PNLIPRP1: variants seen among roughly 807,000 people sequenced by gnomAD.
PNLIPRP1 encodes pancreatic lipase related protein 1, also known as inactive pancreatic lipase-related protein 1.
Under a neutral mutation model 54.6 loss-of-function variants are expected in PNLIPRP1, and 57 were observed. The ratio of observed to expected loss-of-function variants is 1.04; its 90% confidence interval spans 0.84 to 1.30. The LOEUF (loss-of-function observed/expected upper bound fraction) is 1.30. Among genes scored for constraint, PNLIPRP1 ranks in the 50% most tolerant of loss-of-function variants. PNLIPRP1 has a pLI of 0.00. For synonymous variants in PNLIPRP1, 232 were observed against 208.8 expected (o/e 1.11, Z -0.96); for missense variants, 567 against 568.5 (o/e 1.00, Z 0.03).
chr10:116,606,781 G>A (rs2133243933), intron 12 of PNLIPRP1, among the ~76,000 whole-genome samples: 1 of 152,256 alleles, frequency 6.6e-6, no homozygotes, highest in South Asian at 2.1e-4. Context: ...ACTTAAGGCT[G>A]CACCTGAGGT....
At position 116,596,284 on chromosome 10, in the gene PNLIPRP1, A is replaced by G; in HGVS notation, c.536A>G (p.Glu179Gly). Residue 179 changes from glutamate to glycine, a missense_variant, in exon 6 of 13, where the codon GAG becomes GGG. Physicochemically the swap from Glu to Gly is moderately conservative, Grantham distance 98. Transcript: ENST00000358834. ...AGCCTGGGAGCCCACGTGGCTGGAG[A>G]GGCAGGAAGCAAGACTCCAGGCCTG... ...GHSLGAHVAGEAGSKTPGLSR... is the reference protein window; with the variant it reads ...GHSLGAHVAGGAGSKTPGLSR... 1 of 1,613,824 alleles carries G rather than the reference A, an allele frequency of 6.2e-7. No homozygotes were observed. The highest frequency in any genetic ancestry group is 8.5e-7 in the Non-Finnish European group (1 of 1,179,754).
intron 4 of PNLIPRP1, among the ~76,000 whole-genome samples, chr10:116,594,159 C>T (rs1406147139): frequency 2.0e-5 from 3 of 152,152 alleles, no homozygotes; most frequent in African/African-American, 7.2e-5. Flanking sequence ...GATATATCAG[C>T]TCCTTTGACA....
At chr10:116,594,364 C>T in intron 4 of PNLIPRP1, 1 of 520,182 alleles carries the variant, frequency 1.9e-6, no homozygotes, top group Middle Eastern at 3.2e-4. Flanking sequence ...ACAGTCAAAT[C>T]CACAAGGTCA....
intron 8 of PNLIPRP1, among the ~76,000 whole-genome samples, chr10:116,599,752 C>G (rs1325022530): frequency 6.6e-6 from 1 of 152,060 alleles, no homozygotes; most frequent in East Asian, 1.9e-4. Context: ...ACTCTGTAGT[C>G]CTTTCTGTAA....
intron 6 of PNLIPRP1, among the ~76,000 whole-genome samples, 198 bp downstream of exon 6, chr10:116,596,520 T>A (rs1472635516): frequency 6.6e-6 from 1 of 152,122 alleles, no homozygotes; most frequent in African/African-American, 2.4e-5. Flanking sequence ...GGAAGGGTGA[T>A]TTTGTTCCTC....
In PNLIPRP1 at chr10:116,591,862, G is replaced by A; in HGVS notation, c.141G>A (p.Trp47Ter). 2.5e-6 allele frequency: 4 copies of A among 1,614,170 alleles called. No homozygotes were observed. The highest frequency in any genetic ancestry group is 2.5e-6 in the Non-Finnish European group (3 of 1,180,050). ...TCAGGCCCCTGAAAATTCTCCCCTG[G>A]AGCCCTGAGAAGATCGGCACCCGCT... ...TAIRPLKILP[W>*]SPEKIGTRFL... is the part of the protein sequence containing the mutation. Residue 47 changes from tryptophan (W) to a stop codon, truncating the protein, a stop_gained, in exon 3 of 13, where the codon TGG becomes TGA. Coordinates refer to ENST00000358834, the MANE Select transcript of PNLIPRP1 (RefSeq NM_006229.4). LOFTEE classifies it high-confidence loss of function.
chr10:116,607,278 C>G (rs12244715), intron 12 of PNLIPRP1, among the ~76,000 whole-genome samples: 1 of 151,638 alleles, frequency 6.6e-6, no homozygotes, highest in Non-Finnish European at 1.5e-5. Context: ...TGACTTTATT[C>G]AGTACCTATT....
chr10:116,595,161 C>A lies in PNLIPRP1; in HGVS notation c.465+297C>A, dbSNP rs1302165429. 4 of 346,560 alleles carry A rather than the reference C, an allele frequency of 1.2e-5. No individual in the cohort carries two copies. The South Asian group carries it at 1.4e-4, about 12-fold the overall frequency. 21.5% of individuals were successfully genotyped at this position (346,560 alleles called of 1,614,324 possible). A position where few individuals can be genotyped will look rare whatever the true frequency, so the allele number is the denominator to read the frequency against. ...AGTCATAAAGCAAATGAATAGAAGA[C>A]CTGCCTTTTGATCCAGACCATCTAG... On this transcript the variant is annotated intron_variant, in intron 5 of 12. Transcript: ENST00000358834.
In PNLIPRP1 at chr10:116,592,546, G is replaced by A. The variant is rs782803767; in HGVS notation, c.330+5G>A. ...TGGGTGACAGACATGTGCAAGGTAG[G>A]AGCCAGCTCTGATCCCTGTGGCCAG... On this transcript the variant is annotated splice_donor_5th_base_variant and intron_variant, in intron 4 of 12. Coordinates refer to ENST00000358834, the MANE Select transcript of PNLIPRP1 (RefSeq NM_006229.4). 2.7e-5 allele frequency: 44 copies of A among 1,614,004 alleles called. No individual in the cohort carries two copies. The highest frequency in any genetic ancestry group is 3.6e-5 in the Non-Finnish European group (42 of 1,180,028).
chr10:116,599,192 T>C (rs1330204112), intron 8 of PNLIPRP1, among the ~76,000 whole-genome samples: 1 of 151,122 alleles, frequency 6.6e-6, no homozygotes, highest in Admixed American at 6.6e-5. Context: ...GAGGCAAAGG[T>C]TGCAGTGAGC....
At chr10:116,592,390 A>C (rs782203949) in intron 3 of PNLIPRP1, 26 bp from the exon 4 acceptor site, 1 of 1,571,748 alleles carries the variant, frequency 6.4e-7, no homozygotes, top group South Asian at 1.2e-5. Context: ...CTGCGAAAAC[A>C]TGAAGCACTT....
intron 12 of PNLIPRP1, among the ~76,000 whole-genome samples, chr10:116,608,142 C>T (rs1248792687): frequency 6.6e-6 from 1 of 152,218 alleles, no homozygotes; most frequent in Non-Finnish European, 1.5e-5. Context: ...CAGGCATGAG[C>T]CACCACACCA....
At chr10:116,592,300 G>T (rs1847652902) in intron 3 of PNLIPRP1, 116 bp from the exon 4 acceptor site, 1 of 1,201,676 alleles carries the variant, frequency 8.3e-7, no homozygotes, top group Non-Finnish European at 1.2e-6. Context: ...CATGGAAGAA[G>T]TGGCTTTTTG....
chr10:116,597,865 T>C lies in PNLIPRP1; in HGVS notation c.612T>C (p.Pro204=). ...DPVEASFEST[P]EEVRLDPSDA... is the part of the protein sequence containing the mutation. ...TAGAAGCAAGTTTCGAGAGTACTCC[T>C]GAAGAGGTGCGACTTGATCCCTCTG... Residue 204 remains proline (P), a synonymous_variant, in exon 7 of 13, where the codon CCT becomes CCC. Transcript: ENST00000358834. 1.9e-6 allele frequency: 3 copies of C among 1,614,202 alleles called. No individual in the cohort carries two copies. Among genetic ancestry groups the C allele is most frequent in the Non-Finnish European group, 2.5e-6 (3 of 1,180,034 alleles).
At position 116,609,127 on chromosome 10, in the gene PNLIPRP1, C is replaced by T. The variant is rs782578914; in HGVS notation, c.*11C>T. 1.9e-6 allele frequency: 3 copies of T among 1,598,188 alleles called. No homozygotes were observed. Among genetic ancestry groups the T allele is most frequent in the South Asian group, 1.1e-5 (1 of 89,562 alleles). Reference sequence around the variant, plus strand: ...CTCACGCCCTGCTAAGCTCCCGGGGCGACGAGGCTGCTGCGTTCACACTAA... The same window carrying T: ...CTCACGCCCTGCTAAGCTCCCGGGGTGACGAGGCTGCTGCGTTCACACTAA... On this transcript the variant is annotated 3_prime_UTR_variant, in exon 13 of 13. Transcript: ENST00000358834.
In PNLIPRP1 at chr10:116,592,442, A is replaced by C; in HGVS notation, c.231A>C (p.Thr77=). ...FQILLLSDPS[T]IEASNFQMDR... is the part of the protein sequence containing the mutation. The stretch of plus-strand genomic sequence containing the variant: ...TTCTCCTCCTCTCTGATCCATCAAC[A>C]ATTGAGGCATCAAATTTTCAAATGG... Residue 77 remains threonine (T), a synonymous_variant, in exon 4 of 13, where the codon ACA becomes ACC. Coordinates refer to ENST00000358834, the MANE Select transcript of PNLIPRP1 (RefSeq NM_006229.4). The C allele has an allele frequency of 6.2e-7, 1 of 1,612,662 alleles. No homozygotes were observed. The highest frequency in any genetic ancestry group is 8.5e-7 in the Non-Finnish European group (1 of 1,178,926).
rs74945226 is a variant in PNLIPRP1 at position 116,594,203 on chromosome 10, A to T, written c.331-527A>T. 2.2e-3 allele frequency: 858 copies of T among 384,400 alleles called. 4 individuals are homozygous for T. The highest frequency in any genetic ancestry group is 0.016 in the African/African-American group (770 of 46,764). The allele number at this position is 384,400 out of a possible 1,614,324, so 23.8% of individuals were successfully genotyped here. A position where few individuals can be genotyped will look rare whatever the true frequency, so the allele number is the denominator to read the frequency against. ...GACATTTTCCTTCCAGAATTCTTCA[A>T]TCTCTTTTAAATCAGTACAGTTCTA... is the stretch of plus-strand genomic sequence containing the variant. On this transcript the variant is annotated intron_variant, in intron 4 of 12. Coordinates refer to ENST00000358834, the MANE Select transcript of PNLIPRP1 (RefSeq NM_006229.4).
intron 11 of PNLIPRP1, 92 bp from the exon 12 acceptor site, chr10:116,605,294 G>A: frequency 1.5e-6 from 1 of 668,786 alleles, no homozygotes; most frequent in South Asian, 4.1e-5. Context: ...AAATAATCCT[G>A]TTAATCTAGA....
At chr10:116,607,044 A>ATAATAATAATAATAG (rs1847947237) in intron 12 of PNLIPRP1, among the ~76,000 whole-genome samples, 1 of 132,760 alleles carries the variant, frequency 7.5e-6, no homozygotes, top group Non-Finnish European at 1.7e-5. Context: ...AATAATAATA[A>ATAATAATAATAATAG]TAATGAAGAA....
Sources: gnomAD v4.1 joint callset for allele counts (sites outside exome capture counted in the v4.1 genomes callset) on GRCh38, gnomAD v4.1.1 for gene constraint, MANE v1.5 for transcripts, NCBI Gene and HGNC (gene_info 2026-07-23, HGNC 2026-07-21) for gene names.